Variants in POC5 observed in about 807,000 individuals in gnomAD.
POC5 encodes centrosomal protein POC5.
A neutral mutation model predicts 62.9 loss-of-function variants in POC5; 48 were observed. The observed-to-expected ratio is 0.76, with a 90% CI of 0.61 to 0.97. The LOEUF (loss-of-function observed/expected upper bound fraction) is 0.97. POC5 is among the 50% of genes least tolerant of loss of function. The probability of loss-of-function intolerance (pLI) is 0.00; values close to 1 mark genes in which losing one functional copy is unlikely to be tolerated. For missense variants in POC5, 696 were observed against 679.5 expected (o/e 1.02, Z -0.27); for synonymous variants, 236 against 228.2 (o/e 1.03, Z -0.31).
In POC5 at chr5:75,674,184, G is replaced by T; in HGVS notation, c.*251C>A. On this transcript the variant is annotated 3_prime_UTR_variant, in exon 12 of 12. Coordinates refer to ENST00000428202, the MANE Select transcript of POC5 (RefSeq NM_001099271.2). ...TCAGCAACAGGCTAAACATATTAAA[G>T]AAATAAAGTCCAGTTTCTTTTTTAA... The T allele has an allele frequency of 3.7e-6, 1 of 271,918 alleles. No individual in the cohort carries two copies. Among genetic ancestry groups the T allele is most frequent in the Non-Finnish European group, 6.8e-6 (1 of 146,036 alleles). 16.8% of individuals were successfully genotyped at this position (271,918 alleles called of 1,614,324 possible).
chr5:75,704,462 T>A (rs1247612780), intron 4 of POC5, among the ~76,000 whole-genome samples: 1 of 152,226 alleles, frequency 6.6e-6, no homozygotes, highest in Non-Finnish European at 1.5e-5. Flanking sequence ...GTGTGTTTGG[T>A]ATAAAAAACA....
chr5:75,678,262 AC>A (rs1775748885), intron 10 of POC5, among the ~76,000 whole-genome samples: 1 of 152,104 alleles, frequency 6.6e-6, no homozygotes, highest in South Asian at 2.1e-4. Context: ...TGTGCTCTTC[AC>A]CCAGTTTCCT....
In POC5 at chr5:75,698,278, C is replaced by A. The variant is rs377020030; in HGVS notation, c.514-3447G>T. Among the ~76,000 whole-genome samples, 9 of 149,278 alleles carry A rather than the reference C, an allele frequency of 6.0e-5. No homozygotes were observed. The East Asian group carries it at 1.8e-3, about 29-fold the overall frequency. On this transcript the variant is annotated intron_variant, in intron 5 of 11. Coordinates refer to ENST00000428202, the MANE Select transcript of POC5 (RefSeq NM_001099271.2). ...AACAGAATATACATTTTTTTCAGCA[C>A]CACACCACACCTATTCCAAAATTGA...
At chr5:75,711,203 T>C (rs1208789989) in intron 2 of POC5, among the ~76,000 whole-genome samples, 2 of 152,108 alleles carry the variant, frequency 1.3e-5, no homozygotes, top group Non-Finnish European at 2.9e-5. Flanking sequence ...AGAATCAAAA[T>C]AAACAATATT....
rs192794664 is a variant in POC5, at chr5:75,676,503, A to G, written c.1584+1271T>C. ...TTCACCTGAAGTTCAGTTCAAATCA[A>G]TCCAGCTTGTCTTCATTTAATCATC... On this transcript the variant is annotated intron_variant, in intron 11 of 11. Coordinates refer to ENST00000428202, the MANE Select transcript of POC5 (RefSeq NM_001099271.2). Among the ~76,000 whole-genome samples, 124 of 152,134 alleles carry G rather than the reference A, an allele frequency of 8.2e-4. 1 individual carries two copies. Among genetic ancestry groups the G allele is most frequent in the Admixed American group, 6.1e-3 (93 of 15,272 alleles).
intron 2 of POC5, among the ~76,000 whole-genome samples, chr5:75,710,045 G>C (rs1018223099): frequency 6.6e-6 from 1 of 152,156 alleles, no homozygotes; most frequent in African/African-American, 2.4e-5. Context: ...CTTCCTGCTG[G>C]TCCCCTCTTC....
chr5:75,705,803 C>T lies in POC5; in HGVS notation c.224-16G>A, dbSNP rs1488365828. 7 of 1,495,928 alleles carry T rather than the reference C, an allele frequency of 4.7e-6. No homozygotes were observed. Among genetic ancestry groups the T allele is most frequent in the Non-Finnish European group, 5.4e-6 (6 of 1,113,062 alleles). 92.7% of individuals were successfully genotyped at this position (1,495,928 alleles called of 1,614,324 possible). The stretch of plus-strand genomic sequence containing the variant: ...GAGTTATTTCCTGCCAAAAAGAAAG[C>T]TTTTTAAAATTAAACTGAACCACTC... On this transcript the variant is annotated splice_polypyrimidine_tract_variant and intron_variant, in intron 3 of 11. Coordinates refer to ENST00000428202, the MANE Select transcript of POC5 (RefSeq NM_001099271.2).
intron 3 of POC5, 55 bp from the exon 4 acceptor site, chr5:75,705,842 C>CTA: frequency 9.3e-7 from 1 of 1,075,966 alleles, no homozygotes; most frequent in African/African-American, 1.6e-5. Context: ...AATAAAATGT[C>CTA]TAATCACACA....
At chr5:75,685,911 A>T (rs1776081503) in intron 9 of POC5, among the ~76,000 whole-genome samples, 1 of 152,152 alleles carries the variant, frequency 6.6e-6, no homozygotes, top group Admixed American at 6.5e-5. Context: ...CTTTAGAACC[A>T]CTTTCTGATA....
chr5:75,706,378 A>C (rs1254489139), intron 3 of POC5, among the ~76,000 whole-genome samples: 2 of 152,246 alleles, frequency 1.3e-5, no homozygotes, highest in Non-Finnish European at 2.9e-5. Context: ...AGACTTTAAC[A>C]AAGTCTACTT....
At chr5:75,685,532 A>C (rs1377055971) in intron 9 of POC5, 48 bp from the exon 10 acceptor site, 25 of 1,544,462 alleles carry the variant, frequency 1.6e-5, no homozygotes, top group Non-Finnish European at 2.1e-5. Context: ...GGTTAGGACT[A>C]CTATTATCTT....
At chr5:75,716,737 A>G (rs1043594573) in intron 1 of POC5, among the ~76,000 whole-genome samples, 4 of 152,254 alleles carry the variant, frequency 2.6e-5, no homozygotes, top group African/African-American at 4.8e-5. Context: ...CAGAAACATA[A>G]AATAACATCT....
In POC5 at chr5:75,690,525, CTCTGGTAGTACTGG is replaced by C; in HGVS notation, c.819_832del (p.Asp273GlufsTer32). The C allele has an allele frequency of 6.3e-7, 1 of 1,598,724 alleles. No individual in the cohort carries two copies. Among genetic ancestry groups the C allele is most frequent in the Non-Finnish European group, 8.5e-7 (1 of 1,171,296 alleles). ...TTTCCAGACTTTCTTCAGTAAAGTT[CTCTGGTAGTACTGG>C]TCAGCTAGTTTACCTTCATAAACCT... is the stretch of plus-strand genomic sequence containing the variant. On this transcript the variant is annotated frameshift_variant, in exon 8 of 12. Coordinates refer to ENST00000428202, the MANE Select transcript of POC5 (RefSeq NM_001099271.2). LOFTEE classifies it high-confidence loss of function.
At chr5:75,685,815 G>A (rs1267115974) in intron 9 of POC5, among the ~76,000 whole-genome samples, 1 of 152,106 alleles carries the variant, frequency 6.6e-6, no homozygotes, top group Non-Finnish European at 1.5e-5. Flanking sequence ...CAAAAAATAT[G>A]ATCACAGTGA....
intron 2 of POC5, among the ~76,000 whole-genome samples, chr5:75,708,495 C>T (rs1649223024): frequency 6.6e-6 from 1 of 151,932 alleles, no homozygotes; most frequent in African/African-American, 2.4e-5. Flanking sequence ...ATTTTTGGAA[C>T]TGAAAAAAAA....
intron 10 of POC5, among the ~76,000 whole-genome samples, chr5:75,681,318 C>A (rs1261990053): frequency 6.6e-6 from 1 of 152,110 alleles, no homozygotes; most frequent in Non-Finnish European, 1.5e-5. Flanking sequence ...CTTTCACTTT[C>A]TATTCAAATG....
intron 1 of POC5, among the ~76,000 whole-genome samples, chr5:75,714,960 A>C: frequency 6.6e-6 from 1 of 152,304 alleles, no homozygotes. Context: ...TAAAAAAGGA[A>C]TGTGAGAAAA....
At chr5:75,686,024 C>T (rs1776085341) in intron 9 of POC5, among the ~76,000 whole-genome samples, 1 of 152,150 alleles carries the variant, frequency 6.6e-6, no homozygotes, top group African/African-American at 2.4e-5. Flanking sequence ...CTAAAATCTT[C>T]ACTTTTTACA....
At chr5:75,678,555 A>G (rs914437464) in intron 10 of POC5, among the ~76,000 whole-genome samples, 1 of 152,092 alleles carries the variant, frequency 6.6e-6, no homozygotes, top group Non-Finnish European at 1.5e-5. Flanking sequence ...TAATATTATC[A>G]TTACACATAT....
Sources: allele counts gnomAD v4.1 joint callset (sites outside exome capture counted in the v4.1 genomes callset), GRCh38; gene constraint gnomAD v4.1.1; transcripts MANE v1.5; gene names NCBI Gene and HGNC (gene_info 2026-07-23, HGNC 2026-07-21).